Variants in SLC35A5 observed in about 807,000 individuals in gnomAD.
SLC35A5 encodes the protein solute carrier family 35 member A5, also known as UDP-sugar transporter protein SLC35A5.
Under a neutral mutation model 36.3 loss-of-function variants are expected in SLC35A5, and 28 were observed. That is an observed-to-expected ratio of 0.77 (90% confidence interval 0.57 to 1.06). The LOEUF (loss-of-function observed/expected upper bound fraction) is 1.06, where lower values mean the gene tolerates loss of function less well. Among genes scored for constraint, SLC35A5 ranks in the 50% least tolerant of loss-of-function variants. SLC35A5 has a pLI of 0.00. For missense variants in SLC35A5, 521 were observed against 499.3 expected (o/e 1.04, Z -0.41); for synonymous variants, 180 against 173.7 (o/e 1.04, Z -0.29).
At chr3:112,573,002 A>G (rs1003996520) in intron 4 of SLC35A5, among the ~76,000 whole-genome samples, 1 of 152,346 alleles carries the variant, frequency 6.6e-6, no homozygotes, top group Admixed American at 6.5e-5. Context: ...AGAATGTAAT[A>G]GAAAAACAAC....
chr3:112,580,414 G>A, intron 5 of SLC35A5, 132 bp from the exon 6 acceptor site: 4 of 978,764 alleles, frequency 4.1e-6, no homozygotes, highest in Non-Finnish European at 5.9e-6. Context: ...CTCTGAACTT[G>A]AGTGGTAGGA....
chr3:112,574,463 T>C (rs1367462947), intron 5 of SLC35A5, among the ~76,000 whole-genome samples: 3 of 152,180 alleles, frequency 2.0e-5, no homozygotes, highest in Non-Finnish European at 4.4e-5. Flanking sequence ...TTTTAAACTT[T>C]TAAAAATGTT....
intron 5 of SLC35A5, among the ~76,000 whole-genome samples, chr3:112,574,929 G>C (rs1056860810): frequency 1.1e-4 from 17 of 152,058 alleles, no homozygotes; most frequent in Admixed American, 9.2e-4. Context: ...CAGTTTAAAT[G>C]TTAGAGTACA....
intron 2 of SLC35A5, among the ~76,000 whole-genome samples, chr3:112,568,127 C>T (rs746849262): frequency 6.6e-6 from 1 of 152,200 alleles, no homozygotes; most frequent in Non-Finnish European, 1.5e-5. Context: ...TCACTTCACA[C>T]ACTTCCAATG....
chr3:112,580,787 T>C lies in SLC35A5; in HGVS notation c.670T>C (p.Phe224Leu). Reference protein sequence around the residue: ...EAKWNTTARVFSHIRLGMGHV... With the variant: ...EAKWNTTARVLSHIRLGMGHV... ...TAAATGGAACACCACAGCCAGAGTT[T>C]TCAGTCACATCCGTCTTGGCATGGG... is the stretch of plus-strand genomic sequence containing the variant. Residue 224 changes from phenylalanine (F) to leucine (L), a missense_variant, in exon 6 of 7, where the codon TTC becomes CTC. Transcript: ENST00000492406. 1 of 1,614,220 alleles carries C rather than the reference T, an allele frequency of 6.2e-7. No homozygotes were observed. The highest frequency in any genetic ancestry group is 1.1e-5 in the South Asian group (1 of 91,086).
At chr3:112,570,225 A>G (rs1404367309) in intron 3 of SLC35A5, among the ~76,000 whole-genome samples, 1 of 144,222 alleles carries the variant, frequency 6.9e-6, no homozygotes, top group South Asian at 2.2e-4. Context: ...TTTTTTTTTA[A>G]CTTATTTTAA....
chr3:112,565,564 G>C (rs1934158361), intron 2 of SLC35A5, among the ~76,000 whole-genome samples: 1 of 152,212 alleles, frequency 6.6e-6, no homozygotes, highest in Non-Finnish European at 1.5e-5. Flanking sequence ...GATCACTTGA[G>C]GTCAGGAATT....
At position 112,583,534 on chromosome 3, in the gene SLC35A5, AT is replaced by A. The variant is rs1935028367; in HGVS notation, c.*799del. On this transcript the variant is annotated 3_prime_UTR_variant, in exon 7 of 7. Transcript: ENST00000492406. ...CTCCTGAATTATTACATTTTGGAGAATAAGAGGGCATTTTATTTTATTAGTT... is the reference window on the plus strand; with the variant it reads ...CTCCTGAATTATTACATTTTGGAGAAAAGAGGGCATTTTATTTTATTAGTT... The A allele has an allele frequency of 6.2e-6, 1 of 161,500 alleles. No homozygotes were observed. Among genetic ancestry groups the A allele is most frequent in the African/African-American group, 2.4e-5 (1 of 41,890 alleles). 10.0% of individuals were successfully genotyped at this position (161,500 alleles called of 1,614,324 possible). A position where few individuals can be genotyped will look rare whatever the true frequency, so the allele number is the denominator to read the frequency against.
At chr3:112,563,282 A>G in intron 1 of SLC35A5, 103 bp from the exon 2 acceptor site, 2 of 1,075,980 alleles carry the variant, frequency 1.9e-6, no homozygotes, top group Non-Finnish European at 2.5e-6. Context: ...ATATAGTCAT[A>G]GCCAAAATTT....
Position 112,569,278 on chromosome 3 carries a change from T to C in SLC35A5, c.229+9T>C, listed in dbSNP as rs765946565. 22 of 1,608,876 alleles carry C rather than the reference T, an allele frequency of 1.4e-5. No individual in the cohort carries two copies. In the African/African-American group the frequency reaches 2.0e-4, roughly 15 times the overall value. ...CTGTGTTATAAAGAAAGGTAAGTCT[T>C]GAAATGGTACTATATACTTGTTAAT... On this transcript the variant is annotated intron_variant, in intron 3 of 6. Transcript: ENST00000492406.
In SLC35A5 at chr3:112,583,738, A is replaced by G. The variant is rs756179147; in HGVS notation, c.*1002A>G. On this transcript the variant is annotated 3_prime_UTR_variant, in exon 7 of 7. Coordinates refer to ENST00000492406, the MANE Select transcript of SLC35A5 (RefSeq NM_017945.5). ...GATGTATGAATATTAATACTCTAAA[A>G]ATAGAAAGACCAGTAATATATAAGT... The G allele has an allele frequency of 4.6e-5, 7 of 152,128 alleles. No homozygotes were observed. The highest frequency in any genetic ancestry group is 8.8e-5 in the Non-Finnish European group (6 of 67,994). The allele number at this position is 152,128 out of a possible 1,614,324, so 9.4% of individuals were successfully genotyped here. A position where few individuals can be genotyped will look rare whatever the true frequency, so the allele number is the denominator to read the frequency against.
At chr3:112,566,301 A>G (rs1348101460) in intron 2 of SLC35A5, among the ~76,000 whole-genome samples, 1 of 152,224 alleles carries the variant, frequency 6.6e-6, no homozygotes, top group Non-Finnish European at 1.5e-5. Context: ...TCCCTACTGC[A>G]GTTTTCTGCA....
chr3:112,576,252 C>A (rs903321712), intron 5 of SLC35A5, among the ~76,000 whole-genome samples: 1 of 152,020 alleles, frequency 6.6e-6, no homozygotes, highest in Admixed American at 6.6e-5. Flanking sequence ...CTCAGCCTCC[C>A]CAGTAGCTGG....
At chr3:112,566,294 C>T (rs1417280458) in intron 2 of SLC35A5, among the ~76,000 whole-genome samples, 1 of 152,174 alleles carries the variant, frequency 6.6e-6, no homozygotes, top group Non-Finnish European at 1.5e-5. Context: ...AGCTATGTCC[C>T]TACTGCAGTT....
At chr3:112,564,591 T>C (rs1190854780) in intron 2 of SLC35A5, among the ~76,000 whole-genome samples, 1 of 152,144 alleles carries the variant, frequency 6.6e-6, no homozygotes, top group Admixed American at 6.5e-5. Flanking sequence ...GAGGCGTTCC[T>C]TCCTCTTTTA....
chr3:112,564,100 C>G (rs1173659922), intron 2 of SLC35A5: 4 of 152,114 alleles, frequency 2.6e-5, no homozygotes, highest in Admixed American at 2.6e-4. Context: ...GGTTGCCCCT[C>G]CACATCTGTG....
rs779984606 is a variant in SLC35A5 at position 112,563,486 on chromosome 3, C to T, written c.83C>T (p.Ala28Val). The T allele has an allele frequency of 6.2e-7, 1 of 1,607,786 alleles. No individual in the cohort carries two copies. Among genetic ancestry groups the T allele is most frequent in the Admixed American group, 1.7e-5 (1 of 59,896 alleles). ...TTCCTGCTAGGTGCCATATTCATTG[C>T]TTTAAGCTCAAGTCGCATCTTACTA... ...YTFLLGAIFI[A>V]LSSSRILLVK... is the part of the protein sequence containing the mutation. Residue 28 changes from alanine to valine, a missense_variant, in exon 2 of 7, where the codon GCT (alanine) becomes GTT (valine). By Grantham distance (64) the Ala-to-Val change is moderately conservative. Coordinates refer to ENST00000492406, the MANE Select transcript of SLC35A5 (RefSeq NM_017945.5).
intron 5 of SLC35A5, among the ~76,000 whole-genome samples, chr3:112,577,804 G>A (rs1362029422): frequency 6.6e-6 from 1 of 152,160 alleles, no homozygotes; most frequent in African/African-American, 2.4e-5. Context: ...CATTTCTCCA[G>A]AATCATTCAT....
chr3:112,566,040 A>G (rs1256955217), intron 2 of SLC35A5, among the ~76,000 whole-genome samples: 1 of 152,232 alleles, frequency 6.6e-6, no homozygotes. Flanking sequence ...AAGTAAAGCC[A>G]TAGGTGATGA....
Sources: gnomAD v4.1 joint callset for allele counts (sites outside exome capture counted in the v4.1 genomes callset) on GRCh38, gnomAD v4.1.1 for gene constraint, MANE v1.5 for transcripts, NCBI Gene and HGNC (gene_info 2026-07-23, HGNC 2026-07-21) for gene names.